Variants in OPCML observed in about 807,000 individuals in gnomAD.
OPCML encodes the protein opioid binding protein/cell adhesion molecule like.
A neutral mutation model predicts 37.8 loss-of-function variants in OPCML; 13 were observed. That is an observed-to-expected ratio of 0.34 (90% CI 0.22 to 0.55). The LOEUF (loss-of-function observed/expected upper bound fraction) is 0.55. Among genes scored for constraint, OPCML ranks in the 20% least tolerant of loss-of-function variants. The pLI is 0.91. For missense variants in OPCML, 341 were observed against 435.6 expected, an observed-to-expected ratio of 0.78 and a Z score of 1.93; for synonymous variants, 176 against 168.8, an observed-to-expected ratio of 1.04 and a Z score of -0.33.
chr11:132,618,990 CACACACA>C (rs1253879031), intron 3 of OPCML, among the ~76,000 whole-genome samples: 9 of 118,338 alleles, frequency 7.6e-5, no homozygotes, highest in African/African-American at 3.4e-4. Flanking sequence ...CACACACACA[CACACACA>C]CACCGTGTTT....
rs1432700185 is a variant in OPCML at position 133,205,900 on chromosome 11, G to T, written c.62-262890C>A. ...GTCAGAGTGCAATGGCAAAGTGGGG[G>T]CCAGGGTTCACAATCTGTCTCCAAA... On this transcript the variant is annotated intron_variant, in intron 1 of 7. Transcript: ENST00000524381. The surrounding 1 kb of genome is among the most constrained non-coding windows in gnomAD (Gnocchi z 4.8). 2.0e-5 allele frequency among the ~76,000 whole-genome samples: 3 copies of T among 152,122 alleles called. No individual in the cohort carries two copies. Among genetic ancestry groups the T allele is most frequent in the African/African-American group, 4.8e-5 (2 of 41,420 alleles).
At chr11:132,539,900 T>G (rs1447807782) in intron 3 of OPCML, among the ~76,000 whole-genome samples, 2 of 152,022 alleles carry the variant, frequency 1.3e-5, no homozygotes, top group Non-Finnish European at 2.9e-5. Context: ...GTGGTGATGG[T>G]AATGCTGATG....
At chr11:133,092,675 G>A (rs1276036026) in intron 1 of OPCML, among the ~76,000 whole-genome samples, 1 of 152,068 alleles carries the variant, frequency 6.6e-6, no homozygotes, top group Non-Finnish European at 1.5e-5. Flanking sequence ...GCAGTGAGCC[G>A]AGATCACCCC....
Position 132,583,910 on chromosome 11 carries a change from G to A in OPCML, c.380-54724C>T, listed in dbSNP as rs188683693. Among the ~76,000 whole-genome samples the A allele has an allele frequency of 1.5e-3, 222 of 152,096 alleles. 1 individual carries two copies. Among genetic ancestry groups the A allele is most frequent in the African/African-American group, 4.7e-3 (196 of 41,486 alleles). On this transcript the variant is annotated intron_variant, in intron 3 of 7. Transcript: ENST00000524381. ...ATTACAGGCATGAACCACTGTGCCC[G>A]GCCTATAGGCTGATTTTTTTTATAG...
At chr11:132,887,394 T>C (rs1591756996) in intron 2 of OPCML, among the ~76,000 whole-genome samples, 1 of 152,298 alleles carries the variant, frequency 6.6e-6, no homozygotes, top group Non-Finnish European at 1.5e-5. Flanking sequence ...CATGACTGTG[T>C]TTCATCTTCC....
chr11:132,876,445 A>G (rs1943019617), intron 2 of OPCML, among the ~76,000 whole-genome samples: 1 of 152,206 alleles, frequency 6.6e-6, no homozygotes, highest in African/African-American at 2.4e-5. Flanking sequence ...TTCACCTTGC[A>G]AATAAATAGC....
At chr11:133,007,744 G>C (rs1474586089) in intron 1 of OPCML, 1 of 985,454 alleles carries the variant, frequency 1.0e-6, no homozygotes, top group East Asian at 1.1e-4. Context: ...GGCCCACACA[G>C]AGTGGTGAAA....
chr11:132,489,253 G>A (rs574171987), intron 4 of OPCML, among the ~76,000 whole-genome samples: 31 of 152,188 alleles, frequency 2.0e-4, no homozygotes, highest in Non-Finnish European at 3.7e-4. Flanking sequence ...ATCCCGCCCC[G>A]CTGGGAGGTC....
chr11:132,727,818 T>C (rs919129478), intron 2 of OPCML, among the ~76,000 whole-genome samples: 11 of 152,158 alleles, frequency 7.2e-5, no homozygotes, highest in African/African-American at 2.7e-4. Context: ...TCTAAAAAAT[T>C]TCACCCTTAA....
intron 1 of OPCML, chr11:133,421,725 C>G: frequency 2.0e-6 from 2 of 985,390 alleles, no homozygotes; most frequent in South Asian, 4.7e-5. Context: ...CCAAGATAAA[C>G]ATCCTAGCAA....
At chr11:133,255,972 T>C (rs1441541216) in intron 1 of OPCML, among the ~76,000 whole-genome samples, 1 of 152,238 alleles carries the variant, frequency 6.6e-6, no homozygotes, top group Non-Finnish European at 1.5e-5. Flanking sequence ...TATTCCATGT[T>C]GTATGTATAA....
At chr11:132,511,562 C>T (rs1314888867) in intron 4 of OPCML, among the ~76,000 whole-genome samples, 1 of 151,804 alleles carries the variant, frequency 6.6e-6, no homozygotes, top group Non-Finnish European at 1.5e-5. Context: ...TAAGAATAGA[C>T]ATATAGATGA....
At chr11:132,824,586 A>G (rs1308062438) in intron 2 of OPCML, among the ~76,000 whole-genome samples, 1 of 152,026 alleles carries the variant, frequency 6.6e-6, no homozygotes, top group Non-Finnish European at 1.5e-5. Context: ...AGCACACCCC[A>G]TCATCCCTTC....
At chr11:133,243,622 C>T (rs1033236759) in intron 1 of OPCML, among the ~76,000 whole-genome samples, 1 of 152,156 alleles carries the variant, frequency 6.6e-6, no homozygotes, top group African/African-American at 2.4e-5. Context: ...ACAGAGAAGC[C>T]AGCCAAACAC....
intron 1 of OPCML, among the ~76,000 whole-genome samples, chr11:132,968,365 C>T (rs933255529): frequency 6.6e-5 from 10 of 152,198 alleles, no homozygotes; most frequent in Non-Finnish European, 1.3e-4. Context: ...TGAGAGCCTT[C>T]TTGCTGGTGG....
chr11:133,495,720 T>C (rs992564062), intron 1 of OPCML, among the ~76,000 whole-genome samples: 3 of 152,174 alleles, frequency 2.0e-5, no homozygotes, highest in Non-Finnish European at 4.4e-5. Flanking sequence ...AATTGTCTAT[T>C]CGTATCCTTA....
At chr11:132,726,147 C>T (rs566998536) in intron 2 of OPCML, among the ~76,000 whole-genome samples, 16 of 152,288 alleles carry the variant, frequency 1.1e-4, no homozygotes, top group Admixed American at 2.0e-4. Flanking sequence ...TTTTCAGCAG[C>T]GCCCCACTCT....
At chr11:133,025,563 G>T in intron 1 of OPCML, 2 of 655,832 alleles carry the variant, frequency 3.0e-6, no homozygotes, top group Non-Finnish European at 1.9e-6. Context: ...TGGTTCGTTT[G>T]GGTATTTCTT....
intron 2 of OPCML, among the ~76,000 whole-genome samples, chr11:132,732,642 G>C (rs1003199204): frequency 2.0e-5 from 3 of 152,164 alleles, no homozygotes; most frequent in African/African-American, 7.2e-5. Context: ...CAGTGTGTAA[G>C]GGGAGGCTTC....
Sources: allele counts gnomAD v4.1 joint callset (sites outside exome capture counted in the v4.1 genomes callset), GRCh38; gene constraint gnomAD v4.1.1; non-coding constraint Gnocchi (gnomAD v3.1); transcripts MANE v1.5; gene names NCBI Gene and HGNC (gene_info 2026-07-23, HGNC 2026-07-21).